OSCP1: variants seen among roughly 807,000 people sequenced by gnomAD.
OSCP1 encodes the protein organic solute carrier partner 1, also known as protein OSCP1.
In OSCP1, 35 loss-of-function variants were observed where a neutral mutation model predicts 45.1. That is an observed-to-expected ratio of 0.78 (90% CI 0.59 to 1.03). OSCP1 has a LOEUF of 1.03. Ranked by LOEUF, OSCP1 falls within the 50% of genes least tolerant of loss-of-function variation. OSCP1 has a pLI of 0.00. For synonymous variants in OSCP1, 179 were observed against 180.1 expected (o/e 0.99, Z 0.05); for missense variants, 400 against 470.7 (o/e 0.85, Z 1.39).
Position 36,435,766 on chromosome 1 carries a change from G to A in OSCP1, c.267+2990C>T, listed in dbSNP as rs1402924249. Among the ~76,000 whole-genome samples, 4 of 152,092 alleles carry A rather than the reference G, an allele frequency of 2.6e-5. No individual in the cohort carries two copies. In the East Asian group the frequency reaches 7.8e-4, roughly 30 times the overall value. ...TCCTGCCTCAGCCTCCCAAGTAGCT[G>A]GGATTACAGGCACTTGCCACCATGC... On this transcript the variant is annotated intron_variant, in intron 2 of 9. Coordinates refer to ENST00000235532, the MANE Select transcript of OSCP1 (RefSeq NM_145047.5).
rs1264538674 is a variant in OSCP1 at position 36,450,352 on chromosome 1, T to C, written c.18A>G (p.Leu6=). 6.2e-7 allele frequency: 1 copy of C among 1,613,852 alleles called. No individual in the cohort carries two copies. Among genetic ancestry groups the C allele is most frequent in the East Asian group, 2.2e-5 (1 of 44,850 alleles). Residue 6 remains leucine (L), a synonymous_variant, in exon 1 of 10, where the codon CTA becomes CTG. Transcript: ENST00000235532. MSVRT[L]PLLFLNLGGE... is the part of the protein sequence containing the mutation. Reference sequence around the variant, plus strand: ...CGCCCAAGTTCAAGAAGAGCAGCGGTAGCGTCCGCACCGACATGGTGCTGG... The same window carrying C: ...CGCCCAAGTTCAAGAAGAGCAGCGGCAGCGTCCGCACCGACATGGTGCTGG...
chr1:36,435,995 G>T (rs1048793957), intron 2 of OSCP1, among the ~76,000 whole-genome samples: 2 of 151,946 alleles, frequency 1.3e-5, no homozygotes, highest in African/African-American at 4.8e-5. Context: ...AAGGCAGTCT[G>T]TCTCCCTGAG....
intron 4 of OSCP1, among the ~76,000 whole-genome samples, chr1:36,424,750 C>A (rs569868005): frequency 6.6e-6 from 1 of 152,340 alleles, no homozygotes; most frequent in East Asian, 1.9e-4. Context: ...CAGATTAAAT[C>A]TCATAAAGAT....
At chr1:36,424,328 G>A (rs1238632865) in intron 4 of OSCP1, among the ~76,000 whole-genome samples, 1 of 152,218 alleles carries the variant, frequency 6.6e-6, no homozygotes, top group East Asian at 1.9e-4. Flanking sequence ...CTAAAGTAGA[G>A]AGTGAAGTGA....
At chr1:36,427,575 C>T (rs1343320099) in intron 4 of OSCP1, among the ~76,000 whole-genome samples, 2 of 152,034 alleles carry the variant, frequency 1.3e-5, no homozygotes, top group Non-Finnish European at 2.9e-5. Flanking sequence ...CCTTGGCCTC[C>T]CAAAGTGCTG....
At chr1:36,430,777 C>T (rs1648312249) in intron 4 of OSCP1, among the ~76,000 whole-genome samples, 1 of 152,192 alleles carries the variant, frequency 6.6e-6, no homozygotes, top group Non-Finnish European at 1.5e-5. Context: ...GCCTCAGCCT[C>T]CTGAGTAGCT....
intron 1 of OSCP1, among the ~76,000 whole-genome samples, chr1:36,440,346 A>C (rs556968541): frequency 6.6e-6 from 1 of 152,324 alleles, no homozygotes; most frequent in South Asian, 2.1e-4. Context: ...TTAAATCTTA[A>C]ATGGAAGAGC....
At chr1:36,437,165 G>A (rs1648800898) in intron 2 of OSCP1, among the ~76,000 whole-genome samples, 1 of 152,044 alleles carries the variant, frequency 6.6e-6, no homozygotes, top group Non-Finnish European at 1.5e-5. Flanking sequence ...CCCACCTAAG[G>A]AGGGGGAGTT....
intron 2 of OSCP1, among the ~76,000 whole-genome samples, chr1:36,436,105 T>C (rs1231080147): frequency 7.6e-6 from 1 of 130,812 alleles, no homozygotes; most frequent in East Asian, 2.2e-4. Flanking sequence ...TCTCTCTCTA[T>C]TTTTTTTTTT....
intron 2 of OSCP1, among the ~76,000 whole-genome samples, chr1:36,438,317 CAAAA>C (rs35430845): frequency 1.4e-5 from 1 of 73,798 alleles, no homozygotes; most frequent in Non-Finnish European, 2.4e-5. Context: ...AACTCCATCT[CAAAA>C]AAAAAAAAAA....
At chr1:36,429,466 G>A (rs1389646946) in intron 4 of OSCP1, among the ~76,000 whole-genome samples, 3 of 148,548 alleles carry the variant, frequency 2.0e-5, no homozygotes, top group Non-Finnish European at 4.5e-5. Flanking sequence ...TCCCACATCA[G>A]TTGGTTAAAT....
chr1:36,421,347 C>G (rs576243550), intron 7 of OSCP1, among the ~76,000 whole-genome samples: 19 of 152,288 alleles, frequency 1.2e-4, no homozygotes, highest in African/African-American at 4.1e-4. Context: ...AACACTCTTG[C>G]CCCTCTGTCA....
chr1:36,420,659 A>T (rs1485364475), intron 7 of OSCP1, 44 bp from the exon 8 acceptor site: 1 of 1,604,912 alleles, frequency 6.2e-7, no homozygotes, highest in East Asian at 2.2e-5. Context: ...GAAGGCAATC[A>T]CATTTCCTGC....
At chr1:36,435,091 C>CTTTTTTTTTTTTTTTT (rs201268337) in intron 2 of OSCP1, among the ~76,000 whole-genome samples, 71 of 125,742 alleles carry the variant, frequency 5.6e-4, no homozygotes, top group Non-Finnish European at 8.2e-4. Flanking sequence ...TTTTCTTTTT[C>CTTTTTTTTTTTTTTTT]TTTTTTTTTT....
Position 36,417,985 on chromosome 1 carries a change from G to A in OSCP1, c.*154C>T, listed in dbSNP as rs1647374366. 1.7e-6 allele frequency: 1 copy of A among 592,936 alleles called. No homozygotes were observed. Among genetic ancestry groups the A allele is most frequent in the Admixed American group, 3.2e-5 (1 of 31,704 alleles). The allele number at this position is 592,936 out of a possible 1,614,324, so 36.7% of individuals were successfully genotyped here. A position where few individuals can be genotyped will look rare whatever the true frequency, so the allele number is the denominator to read the frequency against. ...TCAAGAGTGAGTGCTCCTCAAGGGAGACTCACACAGTTCCTTACAACATAA... is the reference window on the plus strand; with the variant it reads ...TCAAGAGTGAGTGCTCCTCAAGGGAAACTCACACAGTTCCTTACAACATAA... On this transcript the variant is annotated 3_prime_UTR_variant, in exon 10 of 10. Coordinates refer to ENST00000235532, the MANE Select transcript of OSCP1 (RefSeq NM_145047.5).
intron 1 of OSCP1, chr1:36,440,703 C>T (rs1050132852): frequency 6.6e-6 from 1 of 152,194 alleles, no homozygotes. Flanking sequence ...GGTTTTCTAA[C>T]CTTTTTCTTA....
intron 1 of OSCP1, 149 bp from the exon 2 acceptor site, chr1:36,439,059 A>C: frequency 2.8e-6 from 2 of 721,402 alleles, no homozygotes; most frequent in Non-Finnish European, 4.2e-6. Context: ...TGAGGGGACC[A>C]CACAGGTGTC....
At chr1:36,426,236 T>C (rs1647955649) in intron 4 of OSCP1, among the ~76,000 whole-genome samples, 1 of 152,226 alleles carries the variant, frequency 6.6e-6, no homozygotes, top group African/African-American at 2.4e-5. Context: ...ATGGTAGATC[T>C]GAAATGTACA....
chr1:36,420,467 A>G lies in OSCP1; in HGVS notation c.959+9T>C. 1 of 1,612,616 alleles carries G rather than the reference A, an allele frequency of 6.2e-7. No individual in the cohort carries two copies. On this transcript the variant is annotated intron_variant, in intron 8 of 9. Coordinates refer to ENST00000235532, the MANE Select transcript of OSCP1 (RefSeq NM_145047.5). ...TATATGTCTTTAACGAAACAGGTTT[A>G]AAACATACTCCTCTTCTTCATCGGT...
Sources: allele counts gnomAD v4.1 joint callset (sites outside exome capture counted in the v4.1 genomes callset), GRCh38; gene constraint gnomAD v4.1.1; transcripts MANE v1.5; gene names NCBI Gene and HGNC (gene_info 2026-07-23, HGNC 2026-07-21).